ZFYVE9: variants seen among roughly 807,000 people sequenced by gnomAD.
ZFYVE9 encodes zinc finger FYVE domain-containing protein 9.
A neutral mutation model predicts 126.7 loss-of-function variants in ZFYVE9; 43 were observed. The ratio of observed to expected loss-of-function variants is 0.34; its 90% CI spans 0.27 to 0.44. The LOEUF is 0.44. Among genes scored for constraint, ZFYVE9 ranks in the 20% least tolerant of loss-of-function variants. The pLI is 1.00. For missense variants in ZFYVE9, 1,476 were observed against 1,697.0 expected (o/e 0.87, Z 2.29); for synonymous variants, 521 against 597.4 (o/e 0.87, Z 1.87).
intron 2 of ZFYVE9, among the ~76,000 whole-genome samples, chr1:52,218,792 T>A (rs1645095976): frequency 6.6e-6 from 1 of 152,134 alleles, no homozygotes. Flanking sequence ...TTGATTTTTG[T>A]GGTTTTGGGA....
At chr1:52,295,463 C>A (rs1221655522) in intron 11 of ZFYVE9, among the ~76,000 whole-genome samples, 1 of 152,022 alleles carries the variant, frequency 6.6e-6, no homozygotes, top group Admixed American at 6.6e-5. Flanking sequence ...TCAAGCCATC[C>A]TTCTACCTCT....
intron 13 of ZFYVE9, among the ~76,000 whole-genome samples, chr1:52,309,841 T>C (rs1162862136): frequency 6.6e-6 from 1 of 152,292 alleles, no homozygotes; most frequent in African/African-American, 2.4e-5. Context: ...ACTTTAAGCT[T>C]AGAAAGCTAG....
chr1:52,178,150 G>T (rs1644657781), intron 1 of ZFYVE9, among the ~76,000 whole-genome samples: 1 of 151,318 alleles, frequency 6.6e-6, no homozygotes, highest in African/African-American at 2.4e-5. Flanking sequence ...GTGGTGGCTG[G>T]CGCCTGTAGT....
intron 1 of ZFYVE9, among the ~76,000 whole-genome samples, chr1:52,194,012 G>A (rs1200672888): frequency 6.6e-6 from 1 of 152,120 alleles, no homozygotes; most frequent in Non-Finnish European, 1.5e-5. Context: ...GGGCGGCTGA[G>A]GCACGAGAAT....
chr1:52,279,960 C>T (rs1645785827), intron 9 of ZFYVE9, among the ~76,000 whole-genome samples: 1 of 152,118 alleles, frequency 6.6e-6, no homozygotes, highest in South Asian at 2.1e-4. Context: ...GGCTTACTTG[C>T]TAATCACACT....
chr1:52,279,862 G>GT (rs759536700), intron 9 of ZFYVE9, among the ~76,000 whole-genome samples: 5 of 152,130 alleles, frequency 3.3e-5, no homozygotes, highest in Admixed American at 6.5e-5. Context: ...CCATCCTGCA[G>GT]TTCTCCATGT....
chr1:52,207,535 T>C (rs1644989242), intron 1 of ZFYVE9, among the ~76,000 whole-genome samples: 1 of 152,190 alleles, frequency 6.6e-6, no homozygotes, highest in Non-Finnish European at 1.5e-5. Flanking sequence ...TGTATTTTGG[T>C]CTTGATCTGC....
intron 1 of ZFYVE9, chr1:52,190,161 T>C (rs1644804007): frequency 6.3e-6 from 1 of 157,970 alleles, no homozygotes; most frequent in East Asian, 1.7e-4. Flanking sequence ...TTGGAGCTGC[T>C]ACTTTTTGTT....
chr1:52,256,514 A>G (rs1645521179), intron 4 of ZFYVE9, among the ~76,000 whole-genome samples: 1 of 152,080 alleles, frequency 6.6e-6, no homozygotes, highest in Non-Finnish European at 1.5e-5. Flanking sequence ...AGTAGCTGGG[A>G]TTACAGGCAT....
intron 1 of ZFYVE9, among the ~76,000 whole-genome samples, chr1:52,181,204 T>C (rs1271882483): frequency 6.6e-6 from 1 of 152,168 alleles, no homozygotes; most frequent in Non-Finnish European, 1.5e-5. Flanking sequence ...TGCCTCAGCC[T>C]GCTGAGTGCC....
chr1:52,323,040 G>A (rs1436949609), intron 13 of ZFYVE9, among the ~76,000 whole-genome samples: 2 of 152,066 alleles, frequency 1.3e-5, no homozygotes, highest in African/African-American at 2.4e-5. Flanking sequence ...TCCTGACCTC[G>A]TGATCCGCCC....
At chr1:52,198,803 C>G (rs1479024712) in intron 1 of ZFYVE9, among the ~76,000 whole-genome samples, 1 of 152,150 alleles carries the variant, frequency 6.6e-6, no homozygotes, top group Non-Finnish European at 1.5e-5. Context: ...CTGTGTACCT[C>G]CTGCCCTCAC....
At chr1:52,329,903 AAAAAC>A (rs1196806712) in intron 13 of ZFYVE9, among the ~76,000 whole-genome samples, 2 of 152,030 alleles carry the variant, frequency 1.3e-5, no homozygotes, top group East Asian at 3.9e-4. Flanking sequence ...AGACTGTCTC[AAAAAC>A]AAAACAAAAA....
In ZFYVE9 at chr1:52,237,937, A is replaced by G; in HGVS notation, c.520A>G (p.Ser174Gly). 6.2e-7 allele frequency: 1 copy of G among 1,614,062 alleles called. No individual in the cohort carries two copies. The highest frequency in any genetic ancestry group is 2.2e-5 in the East Asian group (1 of 44,874). ...TTTACAGGATTGTAATAATTATAAT[A>G]GTCAATCCCTTATGGATGCTTTTAG... Reference protein sequence around the residue: ...NDLQDCNNYNSQSLMDAFSCS... With the variant: ...NDLQDCNNYNGQSLMDAFSCS... The change falls in exon 4 of 19, where the codon AGT becomes GGT. Residue 174 changes from serine (S) to glycine (G), a missense_variant. Transcript: ENST00000287727.
intron 4 of ZFYVE9, among the ~76,000 whole-genome samples, chr1:52,246,648 C>A (rs1198517197): frequency 6.7e-6 from 1 of 149,832 alleles, no homozygotes. Context: ...CCTCCCACCT[C>A]AGCCTCCTGG....
At chr1:52,218,161 G>C (rs1484025191) in intron 2 of ZFYVE9, among the ~76,000 whole-genome samples, 2 of 152,020 alleles carry the variant, frequency 1.3e-5, no homozygotes, top group Non-Finnish European at 2.9e-5. Context: ...TTTTCTTCTG[G>C]TTACCTGCTT....
At chr1:52,329,930 G>A (rs1014334121) in intron 13 of ZFYVE9, among the ~76,000 whole-genome samples, 1 of 151,944 alleles carries the variant, frequency 6.6e-6, no homozygotes, top group African/African-American at 2.4e-5. Context: ...AAATTCTTCC[G>A]TGTCAACAGC....
chr1:52,313,646 C>T (rs1168250175), intron 13 of ZFYVE9, among the ~76,000 whole-genome samples: 1 of 152,126 alleles, frequency 6.6e-6, no homozygotes, highest in African/African-American at 2.4e-5. Flanking sequence ...GGTTCTTGTA[C>T]TACATGGGCC....
chr1:52,206,276 G>A (rs1644977191), intron 1 of ZFYVE9, among the ~76,000 whole-genome samples: 1 of 152,178 alleles, frequency 6.6e-6, no homozygotes, highest in South Asian at 2.1e-4. Context: ...TAATAAACTG[G>A]TTAGGTGGAT....
Sources: gnomAD v4.1 joint callset for allele counts (sites outside exome capture counted in the v4.1 genomes callset) on GRCh38, gnomAD v4.1.1 for gene constraint, MANE v1.5 for transcripts, NCBI Gene and HGNC (gene_info 2026-07-23, HGNC 2026-07-21) for gene names.